UNC5C: variants seen among roughly 807,000 people sequenced by gnomAD.
The protein encoded by UNC5C is netrin receptor UNC5C.
UNC5C carries 47 observed loss-of-function variants against 99.8 expected under a neutral mutation model. The observed-to-expected ratio is 0.47, with a 90% CI of 0.37 to 0.60. The LOEUF (loss-of-function observed/expected upper bound fraction) is 0.60, where lower values mean the gene tolerates loss of function less well. Among genes scored for constraint, UNC5C ranks in the 20% least tolerant of loss-of-function variants. The probability of loss-of-function intolerance (pLI) is 0.00; values close to 1 mark genes in which losing one functional copy is unlikely to be tolerated. For missense variants in UNC5C, 1,062 were observed against 1,165.9 expected (o/e 0.91, Z 1.30); for synonymous variants, 487 against 452.2 (o/e 1.08, Z -0.98).
chr4:95,310,024 C>T (rs1352076607), intron 2 of UNC5C, among the ~76,000 whole-genome samples: 1 of 152,070 alleles, frequency 6.6e-6, no homozygotes, highest in African/African-American at 2.4e-5. Context: ...ATAGCCAAGA[C>T]ATGGGATTAA....
chr4:95,341,293 C>T (rs1743564233), intron 1 of UNC5C, among the ~76,000 whole-genome samples: 1 of 151,998 alleles, frequency 6.6e-6, no homozygotes. Flanking sequence ...AACTGACCAC[C>T]AACTGAGGAA....
intron 10 of UNC5C, among the ~76,000 whole-genome samples, chr4:95,210,059 A>G (rs1290640809): frequency 1.3e-5 from 2 of 152,106 alleles, no homozygotes; most frequent in Admixed American, 1.3e-4. Context: ...GGTCCTTCTC[A>G]TCACTGACTT....
At chr4:95,496,018 T>A (rs955693102) in intron 1 of UNC5C, among the ~76,000 whole-genome samples, 1 of 151,736 alleles carries the variant, frequency 6.6e-6, no homozygotes, top group Admixed American at 6.6e-5. Flanking sequence ...CGTTATCCTA[T>A]CTACATGGCA....
chr4:95,318,578 G>A (rs1034896875), intron 2 of UNC5C, among the ~76,000 whole-genome samples: 1 of 152,158 alleles, frequency 6.6e-6, no homozygotes, highest in Non-Finnish European at 1.5e-5. Context: ...CCCCCCGAAT[G>A]GGTGTGGAGA....
At chr4:95,185,300 G>A (rs1736788227) in intron 12 of UNC5C, 104 bp from the exon 13 acceptor site, 3 of 1,412,306 alleles carry the variant, frequency 2.1e-6, no homozygotes, top group South Asian at 2.8e-5. Flanking sequence ...ATGGCAGGCG[G>A]AACTTGTGCA....
At chr4:95,262,459 C>T (rs1031296097) in intron 4 of UNC5C, among the ~76,000 whole-genome samples, 1 of 152,146 alleles carries the variant, frequency 6.6e-6, no homozygotes, top group Non-Finnish European at 1.5e-5. Flanking sequence ...TTGATTTCAT[C>T]CTGTTTCATT....
At chr4:95,176,710 G>T (rs528804184) in intron 14 of UNC5C, among the ~76,000 whole-genome samples, 2 of 152,242 alleles carry the variant, frequency 1.3e-5, no homozygotes, top group Admixed American at 6.5e-5. Context: ...TCTGTGCCCT[G>T]CCCCCAGAGG....
chr4:95,536,815 C>G (rs995713101), intron 1 of UNC5C, among the ~76,000 whole-genome samples: 2 of 152,090 alleles, frequency 1.3e-5, no homozygotes, highest in African/African-American at 4.8e-5. Flanking sequence ...ATGCTAAAGA[C>G]GAGATTATTC....
intron 1 of UNC5C, among the ~76,000 whole-genome samples, chr4:95,432,232 G>A (rs191360967): frequency 2.0e-5 from 3 of 151,998 alleles, no homozygotes; most frequent in Admixed American, 2.0e-4. Flanking sequence ...CACAGACTCC[G>A]GGCCATTTGC....
At chr4:95,465,411 A>G (rs751907879) in intron 1 of UNC5C, among the ~76,000 whole-genome samples, 1 of 152,190 alleles carries the variant, frequency 6.6e-6, no homozygotes, top group Non-Finnish European at 1.5e-5. Context: ...AGGTTAGAAT[A>G]TGTAGTCTCT....
chr4:95,175,337 C>A (rs1482730894), intron 14 of UNC5C, among the ~76,000 whole-genome samples: 2 of 152,064 alleles, frequency 1.3e-5, no homozygotes, highest in Non-Finnish European at 2.9e-5. Context: ...TCTTCCTAGT[C>A]TCAATGGTCT....
At chr4:95,255,499 A>C (rs756209800) in intron 4 of UNC5C, among the ~76,000 whole-genome samples, 1 of 152,052 alleles carries the variant, frequency 6.6e-6, no homozygotes, top group Non-Finnish European at 1.5e-5. Flanking sequence ...CAAGATTTCT[A>C]TGTCACTGAG....
At chr4:95,456,329 T>A (rs978852107) in intron 1 of UNC5C, among the ~76,000 whole-genome samples, 9 of 152,148 alleles carry the variant, frequency 5.9e-5, no homozygotes, top group Non-Finnish European at 8.8e-5. Context: ...CTATTAAGAC[T>A]GCAGGAAAGT....
In UNC5C at chr4:95,384,753, G is replaced by A. The variant is rs117722051; in HGVS notation, c.125-49122C>T. On this transcript the variant is annotated intron_variant, in intron 1 of 15. Coordinates refer to ENST00000453304, the MANE Select transcript of UNC5C (RefSeq NM_003728.4). The stretch of plus-strand genomic sequence containing the variant: ...GGGATAGAAGACAGAAAGCGGGTGA[G>A]TAGGCAGGGGGATATTGCAAAGCTG... Among the ~76,000 whole-genome samples the A allele has an allele frequency of 1.1e-3, 166 of 152,272 alleles. 4 individuals carry two copies. In the East Asian group the frequency reaches 0.025, roughly 23 times the overall value.
intron 1 of UNC5C, among the ~76,000 whole-genome samples, chr4:95,473,267 G>T (rs1233693284): frequency 6.6e-6 from 1 of 152,056 alleles, no homozygotes; most frequent in Non-Finnish European, 1.5e-5. Context: ...CTTAGATTTT[G>T]ATTACAAAAC....
intron 1 of UNC5C, among the ~76,000 whole-genome samples, chr4:95,424,109 G>C (rs1019576877): frequency 1.3e-5 from 2 of 151,832 alleles, no homozygotes; most frequent in Non-Finnish European, 2.9e-5. Context: ...AATTATAAAG[G>C]GTTCTATTTT....
chr4:95,521,648 T>A (rs1722361367), intron 1 of UNC5C, among the ~76,000 whole-genome samples: 1 of 152,158 alleles, frequency 6.6e-6, no homozygotes. Context: ...GATTTCAACA[T>A]ACACATTGTG....
At chr4:95,429,334 C>T (rs1169540177) in intron 1 of UNC5C, among the ~76,000 whole-genome samples, 1 of 149,864 alleles carries the variant, frequency 6.7e-6, no homozygotes, top group Non-Finnish European at 1.5e-5. Flanking sequence ...TGGAATTTTA[C>T]CATCCAATCA....
At chr4:95,525,899 C>G (rs532843841) in intron 1 of UNC5C, among the ~76,000 whole-genome samples, 3 of 152,052 alleles carry the variant, frequency 2.0e-5, no homozygotes, top group African/African-American at 7.2e-5. Context: ...AATTTCTAGG[C>G]TTTTTGAAAA....
Sources: allele counts gnomAD v4.1 joint callset (sites outside exome capture counted in the v4.1 genomes callset), GRCh38; gene constraint gnomAD v4.1.1; transcripts MANE v1.5; gene names NCBI Gene and HGNC (gene_info 2026-07-23, HGNC 2026-07-21).